The following SBK1 variants were observed in gnomAD, a reference collection of about 807,000 sequenced individuals.
SBK1 encodes serine/threonine-protein kinase SBK1.
SBK1 carries 11 observed loss-of-function variants against 24.4 expected under a neutral mutation model. The observed-to-expected ratio is 0.45, with a 90% CI of 0.28 to 0.75. SBK1 has a LOEUF of 0.75. Ranked by LOEUF, SBK1 falls within the 30% of genes least tolerant of loss-of-function variation. The pLI is 0.12. For synonymous variants in SBK1, 308 were observed against 284.4 expected (o/e 1.08, Z -0.83); for missense variants, 467 against 620.5 (o/e 0.75, Z 2.63).
At chr16:28,261,991 C>G (rs1324813095) in intron 1 of SBK1, among the ~76,000 whole-genome samples, 1 of 152,106 alleles carries the variant, frequency 6.6e-6, no homozygotes, top group Non-Finnish European at 1.5e-5. Context: ...AGGTTCTGGC[C>G]CTTTAAGACC....
intron 1 of SBK1, among the ~76,000 whole-genome samples, chr16:28,265,499 G>A (rs1597007977): frequency 6.6e-6 from 1 of 151,646 alleles, no homozygotes; most frequent in African/African-American, 2.4e-5. Flanking sequence ...AAGGCAGGAG[G>A]ATTGCTTGAG....
At position 28,273,220 on chromosome 16, in the gene SBK1, AT is replaced by A. The variant is rs796314653; in HGVS notation, c.257+13730del. On this transcript the variant is annotated intron_variant, in intron 1 of 3. Coordinates refer to the SBK1 transcript ENST00000671413. ...CCACCGCACCTGGCCTCTCTTTCAG[AT>A]TTTTTTTTTTTCTTTTGAGACAGAG... 4.6e-3 allele frequency among the ~76,000 whole-genome samples: 654 copies of A among 142,490 alleles called. 4 individuals carry two copies. Among genetic ancestry groups the A allele is most frequent in the East Asian group, 0.024 (114 of 4,824 alleles). 93.5% of individuals were successfully genotyped at this position (142,490 alleles called of 152,430 possible). A position where few individuals can be genotyped will look rare whatever the true frequency, so the allele number is the denominator to read the frequency against.
intron 1 of SBK1, among the ~76,000 whole-genome samples, chr16:28,280,182 T>A (rs1414683693): frequency 7.8e-6 from 1 of 128,252 alleles, no homozygotes; most frequent in Non-Finnish European, 1.7e-5. Flanking sequence ...TATGTATATA[T>A]ACATATATAT....
chr16:28,288,451 G>A (rs1304060710), upstream of SBK1, among the ~76,000 whole-genome samples: 3 of 152,164 alleles, frequency 2.0e-5, no homozygotes, highest in Admixed American at 6.5e-5. Context: ...TCTTTCTATG[G>A]GAAAACTTTG....
rs77071062 is a variant in SBK1, at chr16:28,271,865, G to A, written c.257+12363G>A. ...AAAGAAATTTAAAATGAAAATTTCTGCCCTGCAAAAGACTCTGCCAAGAGA... is the reference window on the plus strand; with the variant it reads ...AAAGAAATTTAAAATGAAAATTTCTACCCTGCAAAAGACTCTGCCAAGAGA... On this transcript the variant is annotated intron_variant, in intron 1 of 3. Coordinates refer to the SBK1 transcript ENST00000671413. 8.1e-3 allele frequency among the ~76,000 whole-genome samples: 1,233 copies of A among 152,254 alleles called. 19 individuals carry two copies. The highest frequency in any genetic ancestry group is 0.026 in the African/African-American group (1,061 of 41,542).
chr16:28,265,461 T>C (rs1258314400), intron 1 of SBK1, among the ~76,000 whole-genome samples: 1 of 151,640 alleles, frequency 6.6e-6, no homozygotes, highest in African/African-American at 2.4e-5. Flanking sequence ...GGCATGCACC[T>C]GTAGTCCTAG....
chr16:28,293,972 T>G (rs548978833), intron 1 of SBK1, among the ~76,000 whole-genome samples: 2 of 152,196 alleles, frequency 1.3e-5, no homozygotes, highest in South Asian at 4.1e-4. Context: ...AGAGGTAGCC[T>G]AGATGAAGAA....
intron 1 of SBK1, among the ~76,000 whole-genome samples, chr16:28,303,343 C>T (rs1428763204): frequency 6.6e-6 from 1 of 151,918 alleles, no homozygotes; most frequent in Non-Finnish European, 1.5e-5. Context: ...GATGATGGCT[C>T]AGAGAGGTGG....
At chr16:28,270,790 G>A (rs1231283037) in intron 1 of SBK1, among the ~76,000 whole-genome samples, 1 of 151,902 alleles carries the variant, frequency 6.6e-6, no homozygotes, top group African/African-American at 2.4e-5. Flanking sequence ...AATATTTTCA[G>A]ATTGGCAAGA....
chr16:28,297,642 T>C (rs996756933), intron 1 of SBK1, among the ~76,000 whole-genome samples: 1 of 152,138 alleles, frequency 6.6e-6, no homozygotes, highest in African/African-American at 2.4e-5. Context: ...GATAATACTA[T>C]CTTGTAGGAT....
upstream of SBK1, chr16:28,258,949 G>A (rs1010871536): frequency 6.5e-6 from 1 of 152,744 alleles, no homozygotes; most frequent in African/African-American, 2.4e-5. Context: ...AGGAGCAGAC[G>A]GCTGGACAGA....
upstream of SBK1, among the ~76,000 whole-genome samples, chr16:28,288,888 CT>C (rs1192306534): frequency 1.3e-5 from 2 of 152,234 alleles, no homozygotes; most frequent in African/African-American, 4.8e-5. Context: ...AGCATACCCT[CT>C]TTGGGGACCA....
At chr16:28,261,317 GGGTGTGGTGGTT>G (rs2044396031) in intron 1 of SBK1, among the ~76,000 whole-genome samples, 1 of 152,106 alleles carries the variant, frequency 6.6e-6, no homozygotes, top group Non-Finnish European at 1.5e-5. Context: ...GCATCAGGCG[GGGTGTGGTGGTT>G]CACACCTGTA....
chr16:28,292,509 T>A, upstream of SBK1: 1 of 954,436 alleles, frequency 1.0e-6, no homozygotes, highest in African/African-American at 2.0e-5. Context: ...GCGCGCTGGC[T>A]GGAGGGCGGA....
intron 1 of SBK1, among the ~76,000 whole-genome samples, chr16:28,305,854 T>C (rs2044713133): frequency 6.6e-6 from 1 of 152,236 alleles, no homozygotes; most frequent in Non-Finnish European, 1.5e-5. Context: ...ATCTTTCTTA[T>C]ATACGTAGTC....
rs2044825114 is a variant in SBK1, at chr16:28,319,809, A to G, written c.430-267A>G. 6.6e-6 allele frequency among the ~76,000 whole-genome samples: 1 copy of G among 152,060 alleles called. No homozygotes were observed. The highest frequency in any genetic ancestry group is 1.5e-5 in the Non-Finnish European group (1 of 67,982). On this transcript the variant is annotated intron_variant, in intron 3 of 3. Coordinates refer to ENST00000341901, the MANE Select transcript of SBK1 (RefSeq NM_001024401.3). The surrounding 1 kb of genome is among the most constrained non-coding windows in gnomAD (Gnocchi z 4.0). Reference sequence around the variant, plus strand: ...GGTGGAGGGCGCCGCGGACCCCCTCATCAACCTCCTGGAGAGCCGCGTGTC... The same window carrying G: ...GGTGGAGGGCGCCGCGGACCCCCTCGTCAACCTCCTGGAGAGCCGCGTGTC...
At chr16:28,264,780 C>A (rs1464699466) in intron 1 of SBK1, among the ~76,000 whole-genome samples, 1 of 151,958 alleles carries the variant, frequency 6.6e-6, no homozygotes, top group Non-Finnish European at 1.5e-5. Flanking sequence ...AGGGAAGAGG[C>A]TCCAGGACAG....
chr16:28,275,302 C>T (rs902801942), intron 1 of SBK1, among the ~76,000 whole-genome samples: 1 of 152,122 alleles, frequency 6.6e-6, no homozygotes, highest in East Asian at 1.9e-4. Context: ...GAGCGAGACT[C>T]CATCTCTTAA....
chr16:28,289,371 GAC>G (rs1465511778), upstream of SBK1, among the ~76,000 whole-genome samples: 3 of 152,320 alleles, frequency 2.0e-5, no homozygotes, highest in East Asian at 5.8e-4. Flanking sequence ...AGGAAGGGAA[GAC>G]ACAGAGTTCT....
Sources: gnomAD v4.1 joint callset for allele counts (sites outside exome capture counted in the v4.1 genomes callset) on GRCh38, gnomAD v4.1.1 for gene constraint, Gnocchi (gnomAD v3.1) non-coding constraint, MANE v1.5 for transcripts, NCBI Gene and HGNC (gene_info 2026-07-23, HGNC 2026-07-21) for gene names.